Variants in CEP350 observed in about 807,000 individuals in gnomAD.
The protein encoded by CEP350 is centrosome-associated protein 350.
In CEP350, 126 loss-of-function variants were observed where a neutral mutation model predicts 331.8. The ratio of observed to expected loss-of-function variants is 0.38; its 90% CI spans 0.33 to 0.44. CEP350 has a LOEUF of 0.44. Ranked by LOEUF, CEP350 falls within the 20% of genes least tolerant of loss-of-function variation. The pLI, the probability that CEP350 is intolerant of heterozygous loss-of-function variation, is 1.00. For synonymous variants in CEP350, 1,200 were observed against 1,259.5 expected (o/e 0.95, Z 1.00); for missense variants, 3,406 against 3,634.6 (o/e 0.94, Z 1.62).
intron 1 of CEP350, among the ~76,000 whole-genome samples, chr1:179,974,739 C>T (rs189496398): frequency 6.6e-6 from 1 of 152,244 alleles, no homozygotes; most frequent in Non-Finnish European, 1.5e-5. Context: ...TGCCTGTATT[C>T]CCAGTGCATT....
chr1:180,004,491 AC>A (rs1558092527), intron 7 of CEP350, among the ~76,000 whole-genome samples: 1 of 151,644 alleles, frequency 6.6e-6, no homozygotes, highest in African/African-American at 2.4e-5. Context: ...TTGTAAAAGA[AC>A]CCCTCTTTTG....
At chr1:180,055,546 CT>C (rs71118430) in intron 25 of CEP350, among the ~76,000 whole-genome samples, 168 of 87,468 alleles carry the variant, frequency 1.9e-3, no homozygotes, top group African/African-American at 5.9e-3. Flanking sequence ...TGAATTCCAT[CT>C]TTTTTTTTTT....
intron 1 of CEP350, among the ~76,000 whole-genome samples, chr1:179,979,889 T>A (rs1479102554): frequency 2.6e-5 from 4 of 152,284 alleles, no homozygotes; most frequent in Middle Eastern, 6.8e-3. Context: ...TCCATTGGTC[T>A]ATATGTCTGA....
Position 179,992,236 on chromosome 1 carries a change from A to G in CEP350, c.395+15A>G. On this transcript the variant is annotated intron_variant, in intron 5 of 37. Coordinates refer to ENST00000367607, the MANE Select transcript of CEP350 (RefSeq NM_014810.5). ...GTTTCTTATAGGTTAGTATTGAGAA[A>G]AAAAAAAGGTATCAAATAGGTTTAG... The G allele has an allele frequency of 6.9e-7, 1 of 1,453,864 alleles. No individual in the cohort carries two copies. Among genetic ancestry groups the G allele is most frequent in the East Asian group, 2.8e-5 (1 of 35,704 alleles). The allele number at this position is 1,453,864 out of a possible 1,614,324, so 90.1% of individuals were successfully genotyped here. A position where few individuals can be genotyped will look rare whatever the true frequency, so the allele number is the denominator to read the frequency against.
Position 180,020,044 on chromosome 1 carries a change from G to C in CEP350, c.2270G>C (p.Ser757Thr), listed in dbSNP as rs1275873431. Reference sequence around the variant, plus strand: ...CAGCCTTTTGCTGGAACAGCTGGAAGTTTACTCTCCCATCTCTTGAGTTTA... The same window carrying C: ...CAGCCTTTTGCTGGAACAGCTGGAACTTTACTCTCCCATCTCTTGAGTTTA... ...QPQPFAGTAG[S>T]LLSHLLSLEH... Residue 757 changes from serine to threonine, a missense_variant, in exon 12 of 38, where the codon AGT (serine) becomes ACT (threonine). Physicochemically the swap from Ser to Thr is moderately conservative, Grantham distance 58. Coordinates refer to ENST00000367607, the MANE Select transcript of CEP350 (RefSeq NM_014810.5). 1.2e-6 allele frequency: 2 copies of C among 1,613,888 alleles called. No individual in the cohort carries two copies. Among genetic ancestry groups the C allele is most frequent in the Non-Finnish European group, 1.7e-6 (2 of 1,179,896 alleles).
intron 7 of CEP350, among the ~76,000 whole-genome samples, chr1:180,004,923 C>CTTTCTTTCTT (rs1558093227): frequency 7.9e-5 from 6 of 76,042 alleles, no homozygotes; most frequent in Non-Finnish European, 1.7e-4. Flanking sequence ...TTCTTTCTTT[C>CTTTCTTTCTT]TTTCTTTCTT....
intron 27 of CEP350, among the ~76,000 whole-genome samples, chr1:180,067,180 T>A (rs1213126580): frequency 6.6e-6 from 1 of 152,224 alleles, no homozygotes; most frequent in Non-Finnish European, 1.5e-5. Flanking sequence ...ATTATTTTCA[T>A]AGACTCCAAA....
At position 180,036,938 on chromosome 1, in the gene CEP350, T is replaced by C; in HGVS notation, c.3959T>C (p.Phe1320Ser). The change falls in exon 17 of 38, where the codon TTT becomes TCT. Residue 1320 changes from phenylalanine to serine, a missense_variant. By Grantham distance (155) the Phe-to-Ser change is radical. Transcript: ENST00000367607. ...TCATGCCTTCCAGGTTCTAAGCGCTTTTCTCCTGCTGGCCTCCATCATCGT... is the reference window on the plus strand; with the variant it reads ...TCATGCCTTCCAGGTTCTAAGCGCTCTTCTCCTGCTGGCCTCCATCATCGT... ...NMAPIPGSKR[F>S]SPAGLHHRMA... 6.4e-7 allele frequency: 1 copy of C among 1,573,178 alleles called. No homozygotes were observed. The highest frequency in any genetic ancestry group is 8.6e-7 in the Non-Finnish European group (1 of 1,161,948).
Position 180,093,792 on chromosome 1 carries a change from A to T in CEP350, c.7687A>T (p.Ile2563Leu), listed in dbSNP as rs1660328357. The T allele has an allele frequency of 6.2e-7, 1 of 1,613,886 alleles. No individual in the cohort carries two copies. Among genetic ancestry groups the T allele is most frequent in the Admixed American group, 1.7e-5 (1 of 60,010 alleles). Residue 2563 changes from isoleucine (I) to leucine (L), a missense_variant, in exon 34 of 38, where the codon ATA becomes TTA. This residue lies in a region of CEP350 where 1,415 missense variants were observed against 1,512.3 expected (regional missense o/e 0.94). Coordinates refer to ENST00000367607, the MANE Select transcript of CEP350 (RefSeq NM_014810.5). ...KHGIFAPPQK[I>L]SHIPENFDDY... ...TGGTATTTTTGCTCCTCCTCAAAAAATATCTCACATTCCAGAAAACTTTGA... is the reference window on the plus strand; with the variant it reads ...TGGTATTTTTGCTCCTCCTCAAAAATTATCTCACATTCCAGAAAACTTTGA...
chr1:179,995,895 T>C (rs1287715623), intron 5 of CEP350, among the ~76,000 whole-genome samples: 2 of 152,176 alleles, frequency 1.3e-5, no homozygotes, highest in African/African-American at 4.8e-5. Flanking sequence ...CTACCCCCAG[T>C]CTATTTATTA....
Position 180,087,687 on chromosome 1 carries a change from C to A in CEP350, c.6395C>A (p.Pro2132His). ...IKTLSSASEK[P>H]KIKPLTPLHR... is the part of the protein sequence containing the mutation. ...ACGCTCTCCTCAGCTTCTGAAAAAC[C>A]CAAGATCAAACCCCTCACACCACTA... Residue 2132 changes from proline (P) to histidine (H), a missense_variant, in exon 32 of 38, where the codon CCC (proline) becomes CAC (histidine). This residue lies in a region of CEP350 where 1,415 missense variants were observed against 1,512.3 expected (regional missense o/e 0.94). Transcript: ENST00000367607. 1 of 1,584,364 alleles carries A rather than the reference C, an allele frequency of 6.3e-7. No homozygotes were observed. Among genetic ancestry groups the A allele is most frequent in the South Asian group, 1.2e-5 (1 of 86,434 alleles).
chr1:180,056,266 T>A (rs1657832573), intron 25 of CEP350, among the ~76,000 whole-genome samples: 2 of 152,202 alleles, frequency 1.3e-5, no homozygotes, highest in South Asian at 4.1e-4. Flanking sequence ...GAGAGGTCAG[T>A]TATCTTAATC....
chr1:179,996,426 T>A, intron 5 of CEP350, 127 bp from the exon 6 acceptor site: 1 of 658,286 alleles, frequency 1.5e-6, no homozygotes, highest in Non-Finnish European at 2.6e-6. Flanking sequence ...TAAATCAAGT[T>A]ATTTAACATG....
intron 22 of CEP350, among the ~76,000 whole-genome samples, chr1:180,049,690 C>T (rs925212899): frequency 2.0e-5 from 3 of 152,058 alleles, no homozygotes; most frequent in Non-Finnish European, 2.9e-5. Context: ...ATTACAGGCA[C>T]GCACCACAAC....
intron 28 of CEP350, 69 bp downstream of exon 28, chr1:180,075,290 CTTT>C: frequency 7.0e-7 from 1 of 1,433,348 alleles, no homozygotes. Context: ...TATTTCATTA[CTTT>C]TAAAAATGCG....
rs150459314 is a variant in CEP350, at chr1:179,969,213, C to T, written c.-14+14071C>T. The T allele has an allele frequency of 3.2e-4, 173 of 537,860 alleles. No homozygotes were observed. The East Asian group carries it at 3.9e-3, about 12-fold the overall frequency. 33.3% of individuals were successfully genotyped at this position (537,860 alleles called of 1,614,324 possible). The stretch of plus-strand genomic sequence containing the variant: ...TGTGCCACCATTTCCTGTGAACACC[C>T]GTGGGAAGTCATGCCTGATCTCTAC... On this transcript the variant is annotated intron_variant, in intron 1 of 37. Coordinates refer to ENST00000367607, the MANE Select transcript of CEP350 (RefSeq NM_014810.5).
At chr1:180,004,176 T>C (rs1188881145) in intron 7 of CEP350, among the ~76,000 whole-genome samples, 1 of 152,190 alleles carries the variant, frequency 6.6e-6, no homozygotes, top group Non-Finnish European at 1.5e-5. Context: ...AACTTCTCTT[T>C]ATTGGTTTTT....
intron 19 of CEP350, 53 bp from the exon 20 acceptor site, chr1:180,043,003 C>A: frequency 1.3e-6 from 2 of 1,567,758 alleles, no homozygotes; most frequent in Non-Finnish European, 8.7e-7. Context: ...CTTCTCAGTT[C>A]TCTGACCTTA....
chr1:180,080,966 TCTC>T (rs1282600766), intron 30 of CEP350, among the ~76,000 whole-genome samples: 4 of 151,908 alleles, frequency 2.6e-5, no homozygotes, highest in African/African-American at 9.7e-5. Flanking sequence ...GTCAAGCAAT[TCTC>T]CTGCCTCAGC....
Sources: gnomAD v4.1 joint callset for allele counts (sites outside exome capture counted in the v4.1 genomes callset) on GRCh38, gnomAD v4.1.1 for gene constraint, gnomAD v4.1.1 regional missense constraint, MANE v1.5 for transcripts, NCBI Gene and HGNC (gene_info 2026-07-23, HGNC 2026-07-21) for gene names.